Variants in TSPAN7 observed in about 807,000 individuals in gnomAD.
The protein encoded by TSPAN7 is tetraspanin-7.
A neutral mutation model predicts 17.6 loss-of-function variants in TSPAN7; 1 was observed. The ratio of observed to expected loss-of-function variants is 0.06; its 90% CI spans 0.02 to 0.27. The LOEUF (loss-of-function observed/expected upper bound fraction) is 0.27, where lower values mean the gene tolerates loss of function less well. TSPAN7 is among the 10% of genes least tolerant of loss of function. TSPAN7 has a pLI of 1.00. For missense variants in TSPAN7, 112 were observed against 201.7 expected, an observed-to-expected ratio of 0.56 and a Z score of 2.69; for synonymous variants, 78 against 79.0, an observed-to-expected ratio of 0.99 and a Z score of 0.07.
At chrX:38,593,726 C>T (rs1289428149) in intron 1 of TSPAN7, among the ~76,000 whole-genome samples, 1 of 111,999 alleles carries the variant, frequency 8.9e-6, no homozygotes, top group African/African-American at 3.2e-5. Flanking sequence ...TTCTCTTTGC[C>T]CTTTGCCATG....
intron 1 of TSPAN7, among the ~76,000 whole-genome samples, chrX:38,650,831 G>A (rs1285792762): frequency 1.8e-5 from 2 of 110,743 alleles, no homozygotes; most frequent in South Asian, 3.9e-4. Context: ...GCACAACATG[G>A]AAGGAATGCA....
At chrX:38,570,074 G>C (rs888260411) in intron 1 of TSPAN7, among the ~76,000 whole-genome samples, 2 of 111,982 alleles carry the variant, frequency 1.8e-5, no homozygotes, top group Non-Finnish European at 3.8e-5. Context: ...AAGCTCTGAA[G>C]GTTGCTGCTG....
intron 1 of TSPAN7, among the ~76,000 whole-genome samples, chrX:38,644,102 T>A (rs2069631310): frequency 9.0e-6 from 1 of 111,659 alleles, no homozygotes; most frequent in African/African-American, 3.3e-5. Flanking sequence ...CCAAACTCCC[T>A]CTTCTTCTCA....
chrX:38,662,138 C>T (rs887303999), intron 1 of TSPAN7, among the ~76,000 whole-genome samples: 1 of 111,164 alleles, frequency 9.0e-6, no homozygotes, highest in African/African-American at 3.3e-5. Context: ...TTTGAACACC[C>T]GCCGCACGTC....
intron 1 of TSPAN7, chrX:38,646,364 C>T: frequency 9.3e-7 from 1 of 1,072,664 alleles, no homozygotes; most frequent in Non-Finnish European, 1.2e-6. Context: ...ATGTGTGTAG[C>T]TGTGGGATTT....
intron 1 of TSPAN7, among the ~76,000 whole-genome samples, chrX:38,622,588 G>T (rs958700919): frequency 8.9e-6 from 1 of 112,279 alleles, no homozygotes; most frequent in Non-Finnish European, 1.9e-5. Context: ...AAGAAAAGAA[G>T]CTGTAACTTT....
At chrX:38,591,533 A>C (rs2069291807) in intron 1 of TSPAN7, among the ~76,000 whole-genome samples, 2 of 112,001 alleles carry the variant, frequency 1.8e-5, no homozygotes, top group African/African-American at 6.5e-5. Context: ...GTCAACATTG[A>C]TAATGTTTAA....
intron 1 of TSPAN7, among the ~76,000 whole-genome samples, chrX:38,637,948 C>A (rs1035474876): frequency 2.1e-4 from 23 of 111,749 alleles, no homozygotes; most frequent in Admixed American, 1.9e-3. Flanking sequence ...ATTGCTCCAG[C>A]CCCGGGGGAC....
intron 1 of TSPAN7, among the ~76,000 whole-genome samples, chrX:38,644,089 G>A (rs916135099): frequency 1.8e-5 from 2 of 111,202 alleles, no homozygotes; most frequent in Non-Finnish European, 3.8e-5. Flanking sequence ...AAATTAACGG[G>A]GCCCAAACTC....
chrX:38,659,160 T>A (rs1353563279), intron 1 of TSPAN7, among the ~76,000 whole-genome samples: 4 of 111,884 alleles, frequency 3.6e-5, no homozygotes, highest in African/African-American at 1.3e-4. Flanking sequence ...TGGGATCTTC[T>A]TATAAAAAGT....
intron 1 of TSPAN7, among the ~76,000 whole-genome samples, chrX:38,617,434 G>A (rs1456484319): frequency 8.9e-6 from 1 of 112,723 alleles, no homozygotes; most frequent in Non-Finnish European, 1.9e-5. Context: ...AAGGGGGAGG[G>A]AAGTCAGGCA....
chrX:38,572,183 A>C (rs1046248529), intron 1 of TSPAN7, among the ~76,000 whole-genome samples: 1 of 111,687 alleles, frequency 9.0e-6, no homozygotes, highest in African/African-American at 3.3e-5. Context: ...CAGATTACTG[A>C]TCTTTTTGGG....
intron 1 of TSPAN7, among the ~76,000 whole-genome samples, chrX:38,584,595 T>C (rs1372867201): frequency 8.9e-6 from 1 of 112,530 alleles, no homozygotes; most frequent in African/African-American, 3.2e-5. Context: ...CTTGCATATG[T>C]ATAAATGGTT....
At chrX:38,621,434 C>T in intron 1 of TSPAN7, among the ~76,000 whole-genome samples, 1 of 111,943 alleles carries the variant, frequency 8.9e-6, no homozygotes, top group East Asian at 2.8e-4. Flanking sequence ...AGAAGAGTGG[C>T]AGACCACAGC....
At chrX:38,641,922 C>G (rs2069614326) in intron 1 of TSPAN7, among the ~76,000 whole-genome samples, 1 of 112,221 alleles carries the variant, frequency 8.9e-6, no homozygotes, top group Non-Finnish European at 1.9e-5. Flanking sequence ...CCTTTCTCCA[C>G]TAGCTGATGC....
chrX:38,615,286 T>C (rs1054755557), intron 1 of TSPAN7, among the ~76,000 whole-genome samples: 2 of 111,839 alleles, frequency 1.8e-5, no homozygotes, highest in Admixed American at 1.9e-4. Flanking sequence ...AGCTAGCCCT[T>C]TTCCTATAAG....
At position 38,582,279 on chromosome X, in the gene TSPAN7, A is replaced by G. The variant is rs185506451; in HGVS notation, c.81+20652A>G. 4.7e-3 allele frequency among the ~76,000 whole-genome samples: 534 copies of G among 112,487 alleles called. 3 individuals carry two copies. Among genetic ancestry groups the G allele is most frequent in the African/African-American group, 0.016 (505 of 30,995 alleles). ...GACCTCTTTTTCTGCTTGTAAGACC[A>G]GCTACACGCCAACATCAATGACAAT... is the stretch of plus-strand genomic sequence containing the variant. On this transcript the variant is annotated intron_variant, in intron 1 of 7. Transcript: ENST00000378482.
At chrX:38,586,209 T>C (rs775423730) in intron 1 of TSPAN7, among the ~76,000 whole-genome samples, 2 of 112,287 alleles carry the variant, frequency 1.8e-5, no homozygotes, top group East Asian at 5.6e-4. Flanking sequence ...GACCTGGCAT[T>C]GGACTAGATG....
At position 38,574,005 on chromosome X, in the gene TSPAN7, C is replaced by T. The variant is rs184680666; in HGVS notation, c.81+12378C>T. ...AGTTGCTCTTTCCTCGCTTCTCATA[C>T]GGTACTCTTTCAAAGAAAATCACAA... On this transcript the variant is annotated intron_variant, in intron 1 of 7. Transcript: ENST00000378482. 8.0e-4 allele frequency among the ~76,000 whole-genome samples: 90 copies of T among 111,924 alleles called. 1 individual carries two copies. Among genetic ancestry groups the T allele is most frequent in the African/African-American group, 2.6e-3 (81 of 30,907 alleles).
Sources: gnomAD v4.1 joint callset for allele counts (sites outside exome capture counted in the v4.1 genomes callset) on GRCh38, gnomAD v4.1.1 for gene constraint, MANE v1.5 for transcripts, NCBI Gene and HGNC (gene_info 2026-07-23, HGNC 2026-07-21) for gene names.